Variants in FHIT observed in about 807,000 individuals in gnomAD.
FHIT encodes bis(5'-adenosyl)-triphosphatase.
In FHIT, 19 loss-of-function variants were observed where a neutral mutation model predicts 17.9. The ratio of observed to expected loss-of-function variants is 1.06; its 90% CI spans 0.74 to 1.56. FHIT has a LOEUF of 1.56. Ranked by LOEUF, FHIT falls within the 40% of genes most tolerant of loss-of-function variation. The probability of loss-of-function intolerance (pLI) is 0.00; values close to 1 mark genes in which losing one functional copy is unlikely to be tolerated. For synonymous variants in FHIT, 81 were observed against 69.7 expected (o/e 1.16, Z -0.81); for missense variants, 248 against 189.2 (o/e 1.31, Z -1.82).
intron 8 of FHIT, among the ~76,000 whole-genome samples, chr3:59,829,743 C>T (rs915658232): frequency 2.6e-5 from 4 of 152,252 alleles, no homozygotes; most frequent in African/African-American, 9.6e-5. Context: ...CATGACTCTC[C>T]AGCTCTCTCT....
chr3:59,994,573 C>T (rs896438317), intron 7 of FHIT, among the ~76,000 whole-genome samples: 1 of 152,226 alleles, frequency 6.6e-6, no homozygotes, highest in African/African-American at 2.4e-5. Flanking sequence ...ACTTCCACTG[C>T]CCTCATTAGC....
intron 5 of FHIT, among the ~76,000 whole-genome samples, chr3:60,203,190 C>T (rs561988760): frequency 1.3e-5 from 2 of 152,174 alleles, no homozygotes; most frequent in East Asian, 3.9e-4. Flanking sequence ...TGAGTCTTTG[C>T]ATTTTTGCAA....
At chr3:61,142,167 G>C (rs989860080) in intron 2 of FHIT, among the ~76,000 whole-genome samples, 1 of 151,240 alleles carries the variant, frequency 6.6e-6, no homozygotes, top group Non-Finnish European at 1.5e-5. Context: ...AAATAGGATG[G>C]TGGTGGGTTC....
At chr3:60,826,072 A>G (rs1553740841) in intron 3 of FHIT, among the ~76,000 whole-genome samples, 1 of 152,074 alleles carries the variant, frequency 6.6e-6, no homozygotes, top group African/African-American at 2.4e-5. Context: ...GATGATCATT[A>G]CACTAGTTTT....
intron 3 of FHIT, among the ~76,000 whole-genome samples, chr3:61,028,483 AAGG>A (rs2032849349): frequency 6.6e-6 from 1 of 152,194 alleles, no homozygotes; most frequent in African/African-American, 2.4e-5. Context: ...AAGCAAGGGC[AAGG>A]AGGCAGGTTC....
intron 4 of FHIT, among the ~76,000 whole-genome samples, chr3:60,738,168 A>G (rs1166263345): frequency 6.6e-6 from 1 of 152,180 alleles, no homozygotes; most frequent in Non-Finnish European, 1.5e-5. Context: ...AGATCGCATG[A>G]AAGACCGCCA....
chr3:60,445,250 G>T lies in FHIT; in HGVS notation c.103+91610C>A, dbSNP rs139804238. On this transcript the variant is annotated intron_variant, in intron 5 of 9. Coordinates refer to ENST00000492590, the MANE Select transcript of FHIT (RefSeq NM_002012.4). ...TTGCATTTCAAATAAACTCACAGAT[G>T]ATGCCAAATGCTAGCCTGAGGACCA... 1.7e-3 allele frequency among the ~76,000 whole-genome samples: 252 copies of T among 152,262 alleles called. 1 individual carries two copies. Among genetic ancestry groups the T allele is most frequent in the African/African-American group, 5.7e-3 (235 of 41,582 alleles).
chr3:59,829,154 C>T (rs1054789243), intron 8 of FHIT, among the ~76,000 whole-genome samples: 14 of 152,046 alleles, frequency 9.2e-5, no homozygotes, highest in African/African-American at 2.2e-4. Flanking sequence ...ATGGAACTAA[C>T]GACATGAATT....
intron 4 of FHIT, among the ~76,000 whole-genome samples, chr3:60,687,731 T>C (rs1421754575): frequency 1.3e-5 from 2 of 152,134 alleles, no homozygotes; most frequent in African/African-American, 2.4e-5. Context: ...ATTTGACCCA[T>C]GAAAGATCAA....
intron 3 of FHIT, among the ~76,000 whole-genome samples, chr3:60,898,930 G>A (rs186089274): frequency 6.6e-6 from 1 of 152,296 alleles, no homozygotes; most frequent in African/African-American, 2.4e-5. Flanking sequence ...GTCAGTTTCT[G>A]TATAAACACA....
chr3:60,118,380 T>G (rs1705077627), intron 5 of FHIT, among the ~76,000 whole-genome samples: 1 of 151,878 alleles, frequency 6.6e-6, no homozygotes. Flanking sequence ...AGCGCTGGGA[T>G]TATACGTGTG....
Position 59,877,778 on chromosome 3 carries a change from T to C in FHIT, c.348+44568A>G, listed in dbSNP as rs563352154. 2.6e-5 allele frequency among the ~76,000 whole-genome samples: 4 copies of C among 152,312 alleles called. No homozygotes were observed. The South Asian group carries it at 6.2e-4, about 24-fold the overall frequency. The stretch of plus-strand genomic sequence containing the variant: ...CTTATATCTCTCCATATGTTTCCTA[T>C]AAGAATACTAGCCATCAAAATGACA... On this transcript the variant is annotated intron_variant, in intron 8 of 9. Transcript: ENST00000492590.
intron 3 of FHIT, among the ~76,000 whole-genome samples, chr3:60,925,539 T>C (rs1251089343): frequency 3.9e-5 from 6 of 152,138 alleles, no homozygotes; most frequent in Non-Finnish European, 5.9e-5. Context: ...CAGGCCTGCC[T>C]TACAAGAGCT....
intron 3 of FHIT, among the ~76,000 whole-genome samples, chr3:61,020,013 C>A (rs1402613171): frequency 6.6e-6 from 1 of 152,192 alleles, no homozygotes; most frequent in Non-Finnish European, 1.5e-5. Context: ...TATCCCTCCC[C>A]TAGCCCCACA....
At chr3:60,729,318 AC>A (rs2041980995) in intron 4 of FHIT, among the ~76,000 whole-genome samples, 1 of 152,250 alleles carries the variant, frequency 6.6e-6, no homozygotes, top group Admixed American at 6.5e-5. Flanking sequence ...TGGGACAACC[AC>A]AGAACTGGCT....
intron 4 of FHIT, among the ~76,000 whole-genome samples, chr3:60,721,546 C>A (rs1034669535): frequency 2.6e-5 from 4 of 152,142 alleles, no homozygotes; most frequent in Non-Finnish European, 5.9e-5. Context: ...ATAAAAGGAA[C>A]AGAATTGCTC....
intron 2 of FHIT, among the ~76,000 whole-genome samples, chr3:61,075,239 T>C (rs1474808840): frequency 1.3e-5 from 2 of 152,128 alleles, no homozygotes; most frequent in Non-Finnish European, 1.5e-5. Flanking sequence ...CATCTGGAGC[T>C]GCAGACCCTC....
chr3:60,806,866 G>A (rs566562132), intron 4 of FHIT, among the ~76,000 whole-genome samples: 9 of 152,254 alleles, frequency 5.9e-5, no homozygotes, highest in South Asian at 2.1e-4. Context: ...AAGGTATCTC[G>A]TACCATCAAG....
At chr3:60,039,922 G>C (rs962113772) in intron 5 of FHIT, among the ~76,000 whole-genome samples, 1 of 152,164 alleles carries the variant, frequency 6.6e-6, no homozygotes, top group African/African-American at 2.4e-5. Context: ...TTACACTGAA[G>C]AGTCACTGAT....
Sources: gnomAD v4.1 joint callset for allele counts (sites outside exome capture counted in the v4.1 genomes callset) on GRCh38, gnomAD v4.1.1 for gene constraint, MANE v1.5 for transcripts, NCBI Gene and HGNC (gene_info 2026-07-23, HGNC 2026-07-21) for gene names.